Variants in PTPRT observed in about 807,000 individuals in gnomAD.
PTPRT encodes receptor-type tyrosine-protein phosphatase T.
PTPRT carries 56 observed loss-of-function variants against 176.8 expected under a neutral mutation model. That is an observed-to-expected ratio of 0.32 (90% CI 0.26 to 0.40). PTPRT has a LOEUF of 0.40. Among genes scored for constraint, PTPRT ranks in the 10% least tolerant of loss-of-function variants. The pLI is 1.00. For missense variants in PTPRT, 1,540 were observed against 1,908.2 expected, an observed-to-expected ratio of 0.81 and a Z score of 3.60; for synonymous variants, 783 against 739.0, an observed-to-expected ratio of 1.06 and a Z score of -0.96.
intron 1 of PTPRT, among the ~76,000 whole-genome samples, chr20:42,968,259 C>G (rs765153716): frequency 3.9e-5 from 6 of 152,324 alleles, no homozygotes; most frequent in South Asian, 2.1e-4. Context: ...GTTACAGCAA[C>G]AACGGCCACC....
intron 29 of PTPRT, among the ~76,000 whole-genome samples, chr20:42,082,404 C>T (rs1983423331): frequency 6.6e-6 from 1 of 152,228 alleles, no homozygotes; most frequent in South Asian, 2.1e-4. Context: ...ACACCTGCAT[C>T]CTTGCTGATG....
At position 43,053,649 on chromosome 20, in the gene PTPRT, G is replaced by A. The variant is rs527808280; in HGVS notation, c.88+135997C>T. ...TTCCTGCCTTTGTCTTTCCTACCTA[G>A]AAATACTGCTCTGTCTTCCAGACAG... is the stretch of plus-strand genomic sequence containing the variant. On this transcript the variant is annotated intron_variant, in intron 1 of 30. Coordinates refer to ENST00000373187, the MANE Select transcript of PTPRT (RefSeq NM_007050.6). Among the ~76,000 whole-genome samples, 32 of 152,194 alleles carry A rather than the reference G, an allele frequency of 2.1e-4. No homozygotes were observed. In the East Asian group the frequency reaches 3.9e-3, roughly 18 times the overall value.
chr20:42,610,195 A>C lies in PTPRT; in HGVS notation c.1153+67671T>G, dbSNP rs181188657. ...CTCTCTGTAGAAATGGGGGGAAAAAAACCTGGTTGATAGAAACTTAGACTT... is the reference window on the plus strand; with the variant it reads ...CTCTCTGTAGAAATGGGGGGAAAAACACCTGGTTGATAGAAACTTAGACTT... On this transcript the variant is annotated intron_variant, in intron 7 of 30. Coordinates refer to ENST00000373187, the MANE Select transcript of PTPRT (RefSeq NM_007050.6). Among the ~76,000 whole-genome samples, 260 of 152,286 alleles carry C rather than the reference A, an allele frequency of 1.7e-3. 1 individual carries two copies. Among genetic ancestry groups the C allele is most frequent in the African/African-American group, 5.9e-3 (246 of 41,572 alleles).
rs2070770741 is a variant in PTPRT at position 42,448,436 on chromosome 20, T to C, written c.1451-107A>G. The stretch of plus-strand genomic sequence containing the variant: ...AAAGTTGCTGTAAAGAACCAGATAG[T>C]AAATATTTTAGGTCTGATGGGCTGT... On this transcript the variant is annotated intron_variant, in intron 8 of 30. Coordinates refer to ENST00000373187, the MANE Select transcript of PTPRT (RefSeq NM_007050.6). 4.9e-6 allele frequency: 4 copies of C among 811,950 alleles called. No homozygotes were observed. The South Asian group carries it at 6.0e-5, about 12-fold the overall frequency. 50.3% of individuals were successfully genotyped at this position (811,950 alleles called of 1,614,324 possible).
chr20:42,433,411 G>C (rs1431797531), intron 9 of PTPRT, among the ~76,000 whole-genome samples: 1 of 152,212 alleles, frequency 6.6e-6, no homozygotes, highest in Non-Finnish European at 1.5e-5. Flanking sequence ...AGAGGCCAGA[G>C]ACAGCAGGCA....
intron 12 of PTPRT, among the ~76,000 whole-genome samples, chr20:42,290,567 T>C (rs2057301893): frequency 1.3e-5 from 2 of 152,152 alleles, no homozygotes; most frequent in Non-Finnish European, 2.9e-5. Flanking sequence ...TGGTTTTAGC[T>C]ACTGGCAGTA....
intron 6 of PTPRT, among the ~76,000 whole-genome samples, chr20:42,742,276 T>C (rs1033083017): frequency 4.6e-5 from 7 of 152,218 alleles, no homozygotes; most frequent in African/African-American, 7.2e-5. Flanking sequence ...GTCCACTGCA[T>C]AGATGGCCAG....
At chr20:42,193,628 A>G (rs1397162702) in intron 16 of PTPRT, among the ~76,000 whole-genome samples, 2 of 152,208 alleles carry the variant, frequency 1.3e-5, no homozygotes, top group African/African-American at 4.8e-5. Context: ...ATATCTAATG[A>G]TAGGGTTCCT....
intron 2 of PTPRT, among the ~76,000 whole-genome samples, chr20:42,805,976 C>T (rs2077601251): frequency 6.6e-6 from 1 of 151,518 alleles, no homozygotes; most frequent in Admixed American, 6.6e-5. Context: ...AGGTATATCT[C>T]ACACCCTAAT....
intron 1 of PTPRT, among the ~76,000 whole-genome samples, chr20:43,135,079 G>A (rs2013782336): frequency 6.6e-6 from 1 of 152,188 alleles, no homozygotes; most frequent in African/African-American, 2.4e-5. Flanking sequence ...GAGAACCACT[G>A]AGTTAGGTAT....
At chr20:42,691,708 C>T (rs1292006092) in intron 6 of PTPRT, among the ~76,000 whole-genome samples, 1 of 152,188 alleles carries the variant, frequency 6.6e-6, no homozygotes, top group Admixed American at 6.5e-5. Context: ...TAACTCACTG[C>T]TCTTTGGGAA....
chr20:42,789,485 C>G (rs1264841445), intron 3 of PTPRT, among the ~76,000 whole-genome samples: 1 of 152,166 alleles, frequency 6.6e-6, no homozygotes, highest in African/African-American at 2.4e-5. Context: ...GCCTTCGTTT[C>G]ATCACCTATA....
intron 7 of PTPRT, among the ~76,000 whole-genome samples, chr20:42,625,536 A>G (rs1437288086): frequency 6.6e-6 from 1 of 151,460 alleles, no homozygotes; most frequent in Non-Finnish European, 1.5e-5. Context: ...TCCCTCTCCC[A>G]TCCTCTGCCC....
intron 1 of PTPRT, among the ~76,000 whole-genome samples, chr20:42,999,553 C>A (rs573742267): frequency 6.6e-6 from 1 of 151,548 alleles, no homozygotes; most frequent in Admixed American, 6.6e-5. Flanking sequence ...GCCAGGGGTT[C>A]GAGACCAGCC....
At chr20:42,888,468 G>A (rs1304968100) in intron 1 of PTPRT, among the ~76,000 whole-genome samples, 1 of 152,132 alleles carries the variant, frequency 6.6e-6, no homozygotes, top group East Asian at 1.9e-4. Flanking sequence ...AACCACATGA[G>A]GTACATTTTA....
intron 4 of PTPRT, among the ~76,000 whole-genome samples, chr20:42,773,710 A>G (rs939924524): frequency 7.2e-5 from 11 of 152,198 alleles, no homozygotes; most frequent in African/African-American, 2.7e-4. Context: ...TGGAACTATC[A>G]GTTCAAATCA....
intron 7 of PTPRT, among the ~76,000 whole-genome samples, chr20:42,602,232 C>T (rs1002598452): frequency 2.0e-5 from 3 of 152,286 alleles, no homozygotes; most frequent in Non-Finnish European, 4.4e-5. Flanking sequence ...TTGTGCACAA[C>T]AGGCAGCACA....
intron 7 of PTPRT, among the ~76,000 whole-genome samples, chr20:42,556,422 G>A (rs1014056230): frequency 2.0e-5 from 3 of 152,108 alleles, no homozygotes; most frequent in Non-Finnish European, 4.4e-5. Flanking sequence ...GGAGCTAAGC[G>A]ACTTCCTTAA....
intron 1 of PTPRT, among the ~76,000 whole-genome samples, chr20:43,100,376 A>G (rs974498139): frequency 1.3e-5 from 2 of 152,150 alleles, no homozygotes; most frequent in Non-Finnish European, 1.5e-5. Flanking sequence ...CTCTGTCTCA[A>G]TTTAAAAAAA....
Sources: gnomAD v4.1 joint callset for allele counts (sites outside exome capture counted in the v4.1 genomes callset) on GRCh38, gnomAD v4.1.1 for gene constraint, MANE v1.5 for transcripts, NCBI Gene and HGNC (gene_info 2026-07-23, HGNC 2026-07-21) for gene names.